TCERG1L: variants seen among roughly 807,000 people sequenced by gnomAD.
TCERG1L encodes the protein transcription elongation regulator 1-like protein.
A neutral mutation model predicts 56.3 loss-of-function variants in TCERG1L; 37 were observed. The observed-to-expected ratio is 0.66, with a 90% confidence interval of 0.51 to 0.87. TCERG1L has a LOEUF of 0.87. TCERG1L is among the 40% of genes least tolerant of loss of function. The probability of loss-of-function intolerance (pLI) is 0.00; values close to 1 mark genes in which losing one functional copy is unlikely to be tolerated. For missense variants in TCERG1L, 799 were observed against 774.2 expected, an observed-to-expected ratio of 1.03 and a Z score of -0.38; for synonymous variants, 324 against 326.3, an observed-to-expected ratio of 0.99 and a Z score of 0.08.
intron 7 of TCERG1L, among the ~76,000 whole-genome samples, chr10:131,141,024 T>G (rs1380214420): frequency 2.0e-5 from 3 of 152,024 alleles, no homozygotes; most frequent in Non-Finnish European, 2.9e-5. Context: ...GGGTGTGGAG[T>G]TTAGGGATAG....
chr10:131,306,828 A>G (rs1485910086), intron 3 of TCERG1L, among the ~76,000 whole-genome samples: 1 of 152,164 alleles, frequency 6.6e-6, no homozygotes. Flanking sequence ...AGCCTCTCCA[A>G]CTAAAAGATA....
intron 4 of TCERG1L, among the ~76,000 whole-genome samples, chr10:131,208,412 T>C (rs1436458904): frequency 6.6e-6 from 1 of 152,160 alleles, no homozygotes; most frequent in Admixed American, 6.5e-5. Flanking sequence ...TCGACAGAGA[T>C]GCATGTGAAC....
At chr10:131,193,417 C>T (rs549840768) in intron 4 of TCERG1L, among the ~76,000 whole-genome samples, 1 of 152,286 alleles carries the variant, frequency 6.6e-6, no homozygotes, top group South Asian at 2.1e-4. Context: ...AAATTATTTG[C>T]TTAGACCAAT....
chr10:131,176,465 T>C (rs1589737420), intron 4 of TCERG1L, among the ~76,000 whole-genome samples: 1 of 13,488 alleles, frequency 7.4e-5, no homozygotes, highest in African/African-American at 2.6e-4. Flanking sequence ...CCAAGAAACA[T>C]GCACACACAG....
At chr10:131,170,902 C>A (rs1846083951) in intron 4 of TCERG1L, among the ~76,000 whole-genome samples, 1 of 152,156 alleles carries the variant, frequency 6.6e-6, no homozygotes, top group Non-Finnish European at 1.5e-5. Flanking sequence ...AATCCCAGCA[C>A]TTTGGGAGGC....
In TCERG1L at chr10:131,178,221, C is replaced by T. The variant is rs376251152; in HGVS notation, c.857-11336G>A. Among the ~76,000 whole-genome samples the T allele has an allele frequency of 2.9e-4, 44 of 152,206 alleles. No homozygotes were observed. In the South Asian group the frequency reaches 5.0e-3, roughly 17 times the overall value. ...GCCAGCTTTGCCTTTACTAGAATTG[C>T]AGGGTTAGCACAAGACAGTGACAGC... On this transcript the variant is annotated intron_variant, in intron 4 of 11. Transcript: ENST00000368642.
intron 4 of TCERG1L, among the ~76,000 whole-genome samples, chr10:131,231,498 T>C (rs1055239564): frequency 6.6e-6 from 1 of 152,158 alleles, no homozygotes; most frequent in African/African-American, 2.4e-5. Flanking sequence ...GCCGTGGCAC[T>C]GCCTGCAGAG....
intron 8 of TCERG1L, among the ~76,000 whole-genome samples, 193 bp downstream of exon 8, chr10:131,134,179 TGCCCCAA>T (rs1482410177): frequency 6.6e-6 from 1 of 152,122 alleles, no homozygotes; most frequent in East Asian, 1.9e-4. Flanking sequence ...GTGTCTGAAG[TGCCCCAA>T]GCCTCCGAGA....
At chr10:131,175,499 C>T (rs934873340) in intron 4 of TCERG1L, among the ~76,000 whole-genome samples, 13 of 152,212 alleles carry the variant, frequency 8.5e-5, no homozygotes, top group African/African-American at 1.7e-4. Context: ...AGCTGACACC[C>T]GAGCACCAGC....
In TCERG1L at chr10:131,093,089, G is replaced by A. The variant is rs780345961; in HGVS notation, c.*73C>T. 5.1e-5 allele frequency: 78 copies of A among 1,531,614 alleles called. No individual in the cohort carries two copies. Among genetic ancestry groups the A allele is most frequent in the East Asian group, 9.2e-5 (4 of 43,672 alleles). 94.9% of individuals were successfully genotyped at this position (1,531,614 alleles called of 1,614,324 possible). A position where few individuals can be genotyped will look rare whatever the true frequency, so the allele number is the denominator to read the frequency against. ...TCTCGGCCGCCCCACGCCCGTGTCC[G>A]TCTCCACCGTGACCCCCTCGCCCCC... is the stretch of plus-strand genomic sequence containing the variant. On this transcript the variant is annotated 3_prime_UTR_variant, in exon 12 of 12. Transcript: ENST00000368642.
At chr10:131,263,329 C>T (rs552294256) in intron 3 of TCERG1L, among the ~76,000 whole-genome samples, 1 of 152,284 alleles carries the variant, frequency 6.6e-6, no homozygotes, top group East Asian at 1.9e-4. Context: ...TTAATAATAA[C>T]ACACTTTAGA....
chr10:131,104,176 T>C, intron 10 of TCERG1L, 89 bp downstream of exon 10: 1 of 916,280 alleles, frequency 1.1e-6, no homozygotes. Flanking sequence ...GTGTCTGTTA[T>C]TGAGCAATGA....
intron 3 of TCERG1L, among the ~76,000 whole-genome samples, chr10:131,261,631 C>CA: frequency 6.6e-6 from 1 of 152,214 alleles, no homozygotes; most frequent in African/African-American, 2.4e-5. Context: ...TTCAGTCAAC[C>CA]AGTCTTTATT....
intron 4 of TCERG1L, among the ~76,000 whole-genome samples, chr10:131,221,286 G>C (rs1845729243): frequency 6.6e-6 from 1 of 152,206 alleles, no homozygotes; most frequent in African/African-American, 2.4e-5. Context: ...GGAAGTCTGT[G>C]TTCAAATCAC....
intron 10 of TCERG1L, among the ~76,000 whole-genome samples, chr10:131,098,929 C>T (rs1449278979): frequency 6.6e-6 from 1 of 152,168 alleles, no homozygotes; most frequent in East Asian, 1.9e-4. Flanking sequence ...CAAAAATGAC[C>T]TTAACTTGTG....
intron 7 of TCERG1L, among the ~76,000 whole-genome samples, chr10:131,144,257 A>C (rs1184407242): frequency 6.6e-6 from 1 of 152,244 alleles, no homozygotes; most frequent in Admixed American, 6.5e-5. Context: ...ACAATGACTA[A>C]TAGTCAAACA....
chr10:131,254,302 A>AATATATAT lies in TCERG1L; in HGVS notation c.856+5949_856+5956dup, dbSNP rs57689050. ...CCAGAGCAGGCAATCACTGGATTTA[A>AATATATAT]ATATATATATATATATATAGTAAGT... On this transcript the variant is annotated intron_variant, in intron 4 of 11. Transcript: ENST00000368642. 9.6e-3 allele frequency among the ~76,000 whole-genome samples: 1,377 copies of AATATATAT among 142,762 alleles called. 20 individuals carry two copies. The highest frequency in any genetic ancestry group is 0.03 in the African/African-American group (1,137 of 37,678). The allele number at this position is 142,762 out of a possible 152,430, so 93.7% of individuals were successfully genotyped here.
At chr10:131,152,100 C>A (rs1208921898) in intron 6 of TCERG1L, among the ~76,000 whole-genome samples, 1 of 152,226 alleles carries the variant, frequency 6.6e-6, no homozygotes, top group South Asian at 2.1e-4. Context: ...TGGAGACCTT[C>A]TTCCCATTGT....
chr10:131,181,986 CTGTG>C (rs1308691940), intron 4 of TCERG1L, among the ~76,000 whole-genome samples: 2 of 152,228 alleles, frequency 1.3e-5, no homozygotes, highest in Non-Finnish European at 2.9e-5. Flanking sequence ...AGCAATGTAT[CTGTG>C]TGTGTGCACA....
Sources: allele counts gnomAD v4.1 joint callset (sites outside exome capture counted in the v4.1 genomes callset), GRCh38; gene constraint gnomAD v4.1.1; transcripts MANE v1.5; gene names NCBI Gene and HGNC (gene_info 2026-07-23, HGNC 2026-07-21).